ART3: variants seen among roughly 807,000 people sequenced by gnomAD.
The protein encoded by ART3 is ecto-ADP-ribosyltransferase 3.
In ART3, 49 loss-of-function variants were observed where a neutral mutation model predicts 48.5. The observed-to-expected ratio is 1.01, with a 90% CI of 0.80 to 1.28. The LOEUF (loss-of-function observed/expected upper bound fraction) is 1.28. Among genes scored for constraint, ART3 ranks in the 50% most tolerant of loss-of-function variants. ART3 has a pLI of 0.00. For missense variants in ART3, 438 were observed against 454.3 expected (o/e 0.96, Z 0.33); for synonymous variants, 145 against 157.2 (o/e 0.92, Z 0.58).
chr4:76,032,012 G>A (rs1733911684), intron 1 of ART3, among the ~76,000 whole-genome samples: 1 of 152,190 alleles, frequency 6.6e-6, no homozygotes, highest in African/African-American at 2.4e-5. Flanking sequence ...GCTTAGTGAA[G>A]AAATGGGCAG....
At chr4:76,060,635 C>A (rs1719125898) in intron 1 of ART3, among the ~76,000 whole-genome samples, 1 of 152,134 alleles carries the variant, frequency 6.6e-6, no homozygotes, top group South Asian at 2.1e-4. Context: ...CCTCAAAATA[C>A]ATATATACAT....
chr4:76,080,415 G>A (rs1722198400), intron 2 of ART3, among the ~76,000 whole-genome samples: 1 of 152,162 alleles, frequency 6.6e-6, no homozygotes, highest in South Asian at 2.1e-4. Context: ...TGCCAGGCAT[G>A]GGGCAGAGGG....
intron 1 of ART3, among the ~76,000 whole-genome samples, chr4:76,045,115 A>G (rs1735371039): frequency 6.6e-6 from 1 of 152,128 alleles, no homozygotes; most frequent in African/African-American, 2.4e-5. Context: ...GTGTGGTTAC[A>G]TCACTATGGC....
At chr4:76,037,049 G>C (rs1734489044) in intron 1 of ART3, 1 of 167,710 alleles carries the variant, frequency 6.0e-6, no homozygotes, top group Non-Finnish European at 1.3e-5. Flanking sequence ...ACAGCTATAG[G>C]GTAGTGCAGT....
chr4:76,101,014 A>T lies in ART3; in HGVS notation c.932A>T (p.Asp311Val). The change falls in exon 8 of 12, where the codon GAC becomes GTC. Residue 311 changes from aspartate (D) to valine (V), a missense_variant. Around this residue, in one of 3 missense-constraint regions of ART3, gnomAD observed 227 missense variants for 229.6 expected, o/e 0.99. Transcript: ENST00000355810. Reference protein sequence around the residue: ...DHGEKNQKLEDHGVKILEPTQ... With the variant: ...DHGEKNQKLEVHGVKILEPTQ... ...GGTGAGAAAAACCAGAAGCTTGAAG[A>T]CCATGGTAAGACATTTATGTAAATT... 6.2e-7 allele frequency: 1 copy of T among 1,613,736 alleles called. No homozygotes were observed. Among genetic ancestry groups the T allele is most frequent in the South Asian group, 1.1e-5 (1 of 90,958 alleles).
intron 1 of ART3, among the ~76,000 whole-genome samples, chr4:76,019,366 A>G (rs1436401093): frequency 1.3e-5 from 2 of 150,244 alleles, no homozygotes; most frequent in Non-Finnish European, 3.0e-5. Flanking sequence ...ACGTATTTGC[A>G]ATTGAATGAA....
intron 1 of ART3, among the ~76,000 whole-genome samples, chr4:76,064,319 AT>A (rs889899159): frequency 1.8e-4 from 28 of 152,234 alleles, no homozygotes; most frequent in African/African-American, 6.8e-4. Context: ...AAAATAAAAA[AT>A]TTTAGTGATC....
At chr4:76,054,274 G>A (rs1428813469) in intron 1 of ART3, among the ~76,000 whole-genome samples, 1 of 152,140 alleles carries the variant, frequency 6.6e-6, no homozygotes, top group Non-Finnish European at 1.5e-5. Flanking sequence ...ATGTCTGCAA[G>A]GTATGAAGCT....
chr4:76,071,782 G>A (rs1158399509), upstream of ART3, among the ~76,000 whole-genome samples: 1 of 152,106 alleles, frequency 6.6e-6, no homozygotes, highest in African/African-American at 2.4e-5. Context: ...CATCCTTCCA[G>A]CTATTCAAGC....
chr4:76,060,166 A>G (rs778317581), intron 1 of ART3, among the ~76,000 whole-genome samples: 2 of 152,140 alleles, frequency 1.3e-5, no homozygotes, highest in Non-Finnish European at 2.9e-5. Context: ...CCCAAATTCA[A>G]GCCTTTGTCC....
At chr4:76,111,420 A>G (rs1729453217) in intron 11 of ART3, among the ~76,000 whole-genome samples, 4 of 152,232 alleles carry the variant, frequency 2.6e-5, no homozygotes. Context: ...CAGACAGATA[A>G]TTCATCTTAT....
At chr4:76,068,309 A>G in intron 1 of ART3, among the ~76,000 whole-genome samples, 1 of 152,208 alleles carries the variant, frequency 6.6e-6, no homozygotes, top group Non-Finnish European at 1.5e-5. Flanking sequence ...CCTCATGCCC[A>G]TATTGTGGCA....
intron 1 of ART3, among the ~76,000 whole-genome samples, chr4:76,020,871 A>T (rs1248379318): frequency 1.3e-5 from 2 of 149,422 alleles, no homozygotes; most frequent in African/African-American, 2.5e-5. Flanking sequence ...ATAAGAGATT[A>T]AAAAAAAAAG....
At chr4:76,084,882 T>A (rs1241084653) in intron 3 of ART3, among the ~76,000 whole-genome samples, 2 of 152,210 alleles carry the variant, frequency 1.3e-5, no homozygotes, top group Non-Finnish European at 2.9e-5. Flanking sequence ...CAGGTGTTCT[T>A]CTTGTTGAGT....
intron 1 of ART3, among the ~76,000 whole-genome samples, chr4:76,043,509 C>A (rs1735187760): frequency 6.6e-6 from 1 of 152,158 alleles, no homozygotes; most frequent in South Asian, 2.1e-4. Context: ...CCAGTACACC[C>A]TCCGCAGCTG....
intron 2 of ART3, among the ~76,000 whole-genome samples, chr4:76,081,055 A>T (rs1445208479): frequency 6.6e-6 from 1 of 152,248 alleles, no homozygotes; most frequent in Non-Finnish European, 1.5e-5. Context: ...TAGCTGAAGC[A>T]AACAGGGAAT....
intron 1 of ART3, among the ~76,000 whole-genome samples, chr4:76,043,173 G>A (rs1048015629): frequency 3.3e-5 from 5 of 152,020 alleles, no homozygotes; most frequent in African/African-American, 9.7e-5. Flanking sequence ...TACAATCCCT[G>A]AGCTAGACAT....
intron 1 of ART3, chr4:76,022,273 C>A: frequency 9.8e-7 from 1 of 1,023,390 alleles, no homozygotes; most frequent in Non-Finnish European, 1.5e-6. Context: ...TTTAAACCAG[C>A]GATTGCACAG....
chr4:76,100,965 T>G lies in ART3; in HGVS notation c.908-25T>G, dbSNP rs200777060. ...AATTCTTTTGTTCCATTGTTAAAAC[T>G]GATAAGCTTCTTTTTGTAACTCAGG... On this transcript the variant is annotated intron_variant, in intron 7 of 11. Transcript: ENST00000355810. 1,627 of 1,612,672 alleles carry G rather than the reference T, an allele frequency of 1.0e-3. 1 individual carries two copies. Among genetic ancestry groups the G allele is most frequent in the Admixed American group, 1.6e-3 (96 of 59,646 alleles).
Sources: gnomAD v4.1 joint callset for allele counts (sites outside exome capture counted in the v4.1 genomes callset) on GRCh38, gnomAD v4.1.1 for gene constraint, gnomAD v4.1.1 regional missense constraint, MANE v1.5 for transcripts, NCBI Gene and HGNC (gene_info 2026-07-23, HGNC 2026-07-21) for gene names.